Variants in CSGALNACT1 observed in about 807,000 individuals in gnomAD.
CSGALNACT1 encodes chondroitin sulfate N-acetylgalactosaminyltransferase 1.
Under a neutral mutation model 51.0 loss-of-function variants are expected in CSGALNACT1, and 52 were observed. The ratio of observed to expected loss-of-function variants is 1.02; its 90% CI spans 0.82 to 1.29. The LOEUF (loss-of-function observed/expected upper bound fraction) is 1.29. CSGALNACT1 is among the 50% of genes most tolerant of loss of function. CSGALNACT1 has a pLI of 0.00. For missense variants in CSGALNACT1, 935 were observed against 679.2 expected (o/e 1.38, Z -4.19); for synonymous variants, 341 against 254.4 (o/e 1.34, Z -3.24).
upstream of CSGALNACT1, among the ~76,000 whole-genome samples, chr8:19,684,565 C>T (rs1438808870): frequency 6.6e-6 from 1 of 152,132 alleles, no homozygotes; most frequent in African/African-American, 2.4e-5. Flanking sequence ...CAGATGCCTC[C>T]TCCCCTCCTC....
At chr8:19,597,285 CTTTTTTTTTTTTTTTT>C (rs35177349) in intron 2 of CSGALNACT1, among the ~76,000 whole-genome samples, 41 of 64,528 alleles carry the variant, frequency 6.4e-4, no homozygotes, top group Non-Finnish European at 1.0e-3. Flanking sequence ...TATCTTCTTT[CTTTTTTTTTTTTTTTT>C]TTTTTTTTTT....
intron 3 of CSGALNACT1, among the ~76,000 whole-genome samples, chr8:19,574,668 T>C (rs565356271): frequency 1.3e-5 from 2 of 152,236 alleles, no homozygotes; most frequent in African/African-American, 2.4e-5. Context: ...CATGGAACTG[T>C]GCTTCAAGGA....
At chr8:19,672,445 T>A (rs2059867036) in intron 1 of CSGALNACT1, among the ~76,000 whole-genome samples, 2 of 152,230 alleles carry the variant, frequency 1.3e-5, no homozygotes, top group African/African-American at 4.8e-5. Context: ...AAGGAGTGAG[T>A]CATATCTCAG....
chr8:19,482,513 C>A (rs995715731), intron 4 of CSGALNACT1, among the ~76,000 whole-genome samples: 1 of 152,148 alleles, frequency 6.6e-6, no homozygotes, highest in South Asian at 2.1e-4. Context: ...TTATCTCGTA[C>A]TGCCTTTCTC....
In CSGALNACT1 at chr8:19,490,463, G is replaced by T. The variant is rs560954456; in HGVS notation, c.634+14738C>A. On this transcript the variant is annotated intron_variant, in intron 4 of 9. Coordinates refer to ENST00000454498, the Ensembl canonical transcript of CSGALNACT1. Reference sequence around the variant, plus strand: ...TCATCTCCTGGGAGTACTGGGAAGGGGAAAAAAGAAAGCATCATAAGATGC... The same window carrying T: ...TCATCTCCTGGGAGTACTGGGAAGGTGAAAAAAGAAAGCATCATAAGATGC... Among the ~76,000 whole-genome samples, 3 of 152,224 alleles carry T rather than the reference G, an allele frequency of 2.0e-5. No homozygotes were observed. In the East Asian group the frequency reaches 5.8e-4, roughly 29 times the overall value.
chr8:19,618,969 C>A (rs1232762081), intron 1 of CSGALNACT1, among the ~76,000 whole-genome samples: 8 of 152,092 alleles, frequency 5.3e-5, no homozygotes, highest in Non-Finnish European at 1.0e-4. Flanking sequence ...CTCATGCCCC[C>A]TTCCTCCAGC....
intron 1 of CSGALNACT1, among the ~76,000 whole-genome samples, chr8:19,721,145 C>T (rs980966390): frequency 6.6e-6 from 1 of 152,226 alleles, no homozygotes; most frequent in African/African-American, 2.4e-5. Flanking sequence ...CAGTTCAAGG[C>T]TCATACCCCA....
chr8:19,533,233 C>T (rs1205766012), intron 3 of CSGALNACT1, among the ~76,000 whole-genome samples: 2 of 152,156 alleles, frequency 1.3e-5, no homozygotes, highest in African/African-American at 2.4e-5. Context: ...CCTCTCACTT[C>T]AGCCTCTTGA....
At chr8:19,455,629 T>C (rs578143681) in intron 5 of CSGALNACT1, among the ~76,000 whole-genome samples, 3 of 152,192 alleles carry the variant, frequency 2.0e-5, no homozygotes, top group Non-Finnish European at 4.4e-5. Flanking sequence ...TTATGAAGCA[T>C]TAAATACCCA....
chr8:19,678,249 C>T (rs1204972258), intron 1 of CSGALNACT1, among the ~76,000 whole-genome samples: 1 of 152,108 alleles, frequency 6.6e-6, no homozygotes, highest in African/African-American at 2.4e-5. Flanking sequence ...GGCAAAAAGG[C>T]CTAACAAGAA....
rs373632221 is a variant in CSGALNACT1 at position 19,578,342 on chromosome 8, G to C, written c.-297+12818C>G. 2.4e-4 allele frequency among the ~76,000 whole-genome samples: 36 copies of C among 152,306 alleles called. 2 individuals carry two copies. In the East Asian group the frequency reaches 3.5e-3, roughly 15 times the overall value. On this transcript the variant is annotated intron_variant, in intron 3 of 9. Coordinates refer to ENST00000454498, the Ensembl canonical transcript of CSGALNACT1. The stretch of plus-strand genomic sequence containing the variant: ...GCTCACTGGAGTGACCATTTGTCAT[G>C]CTCTGGGACTTTGTGTACATCCTTC...
chr8:19,457,886 T>C, intron 5 of CSGALNACT1: 1 of 987,888 alleles, frequency 1.0e-6, no homozygotes, highest in Non-Finnish European at 1.4e-6. Context: ...CTTCTTGGTA[T>C]AATTCTACAC....
At chr8:19,741,123 G>A (rs2064285691) in intron 1 of CSGALNACT1, among the ~76,000 whole-genome samples, 1 of 152,180 alleles carries the variant, frequency 6.6e-6, no homozygotes, top group South Asian at 2.1e-4. Flanking sequence ...TTCTACAGTG[G>A]CAGTCCAGTG....
chr8:19,719,682 T>A lies in CSGALNACT1; in HGVS notation c.-297+38168A>T, dbSNP rs563046998. 7.7e-4 allele frequency among the ~76,000 whole-genome samples: 117 copies of A among 152,328 alleles called. 1 individual carries two copies. Among genetic ancestry groups the A allele is most frequent in the South Asian group, 1.7e-3 (8 of 4,828 alleles). ...TGGTATAAAGCTTCACGTCCACAGTTAAAGCCACTCATTCTGCAAGTGTCT... is the reference window on the plus strand; with the variant it reads ...TGGTATAAAGCTTCACGTCCACAGTAAAAGCCACTCATTCTGCAAGTGTCT... On this transcript the variant is annotated intron_variant, in intron 1 of 1. Coordinates refer to the CSGALNACT1 transcript ENST00000517494.
chr8:19,496,019 G>A lies in CSGALNACT1; in HGVS notation c.634+9182C>T, dbSNP rs141914543. Among the ~76,000 whole-genome samples, 31 of 152,254 alleles carry A rather than the reference G, an allele frequency of 2.0e-4. No individual in the cohort carries two copies. The East Asian group carries it at 5.6e-3, about 27-fold the overall frequency. Reference sequence around the variant, plus strand: ...GACTAAGGTGAAAGGAAGAAAGTTCGGAAAATAATGACCCCGTATTCCGGC... The same window carrying A: ...GACTAAGGTGAAAGGAAGAAAGTTCAGAAAATAATGACCCCGTATTCCGGC... On this transcript the variant is annotated intron_variant, in intron 4 of 9. Transcript: ENST00000454498.
chr8:19,738,236 A>G (rs187984809), intron 1 of CSGALNACT1, among the ~76,000 whole-genome samples: 68 of 152,334 alleles, frequency 4.5e-4, no homozygotes, highest in African/African-American at 1.6e-3. Context: ...AAAGAAAAAC[A>G]TATTTTTCCT....
intron 2 of CSGALNACT1, among the ~76,000 whole-genome samples, chr8:19,594,592 G>A (rs1321174823): frequency 2.6e-5 from 4 of 152,186 alleles, no homozygotes; most frequent in Admixed American, 6.5e-5. Flanking sequence ...TTAGTCACAA[G>A]GAGTGCAATG....
At chr8:19,571,402 A>C (rs1297272407) in intron 3 of CSGALNACT1, among the ~76,000 whole-genome samples, 1 of 152,004 alleles carries the variant, frequency 6.6e-6, no homozygotes, top group Non-Finnish European at 1.5e-5. Context: ...TACTGACTTA[A>C]GCCTGGTGCC....
intron 4 of CSGALNACT1, among the ~76,000 whole-genome samples, chr8:19,493,390 A>G (rs548945421): frequency 6.6e-6 from 1 of 152,306 alleles, no homozygotes; most frequent in African/African-American, 2.4e-5. Context: ...TAATTTTTGT[A>G]TGTGTTACCA....
Sources: allele counts gnomAD v4.1 joint callset (sites outside exome capture counted in the v4.1 genomes callset), GRCh38; gene constraint gnomAD v4.1.1; transcripts MANE v1.5; gene names NCBI Gene and HGNC (gene_info 2026-07-23, HGNC 2026-07-21).